Variants in SKAP1 observed in about 807,000 individuals in gnomAD.
SKAP1 encodes src kinase-associated phosphoprotein 1.
In SKAP1, 44 loss-of-function variants were observed where a neutral mutation model predicts 58.5. The observed-to-expected ratio is 0.75, with a 90% CI of 0.59 to 0.97. The LOEUF (loss-of-function observed/expected upper bound fraction) is 0.97, where lower values mean the gene tolerates loss of function less well. SKAP1 is among the 50% of genes least tolerant of loss of function. The pLI, the probability that SKAP1 is intolerant of heterozygous loss-of-function variation, is 0.00. For missense variants in SKAP1, 390 were observed against 435.2 expected (o/e 0.90, Z 0.92); for synonymous variants, 127 against 149.7 (o/e 0.85, Z 1.11).
intron 4 of SKAP1, among the ~76,000 whole-genome samples, chr17:48,345,146 C>G (rs2066705967): frequency 6.6e-6 from 1 of 152,194 alleles, no homozygotes; most frequent in African/African-American, 2.4e-5. Flanking sequence ...ACAGAAGAGG[C>G]ACAGCGGATC....
At chr17:48,354,269 A>G (rs1224809965) in intron 3 of SKAP1, among the ~76,000 whole-genome samples, 1 of 152,238 alleles carries the variant, frequency 6.6e-6, no homozygotes, top group Non-Finnish European at 1.5e-5. Flanking sequence ...GACAACATGT[A>G]TGTAACATCA....
chr17:48,328,092 T>C (rs1260726685), intron 4 of SKAP1, among the ~76,000 whole-genome samples: 1 of 152,182 alleles, frequency 6.6e-6, no homozygotes, highest in East Asian at 1.9e-4. Flanking sequence ...CTGGCTTTCA[T>C]CTGGGTTCCA....
chr17:48,375,794 CTTTGTTTG>C (rs1054688330), intron 2 of SKAP1, among the ~76,000 whole-genome samples: 1 of 143,546 alleles, frequency 7.0e-6, no homozygotes, highest in Non-Finnish European at 1.5e-5. Context: ...AGGTCTGTTT[CTTTGTTTG>C]TTTGTTTGTC....
chr17:48,219,333 G>C (rs1376068132), intron 4 of SKAP1, among the ~76,000 whole-genome samples: 1 of 152,138 alleles, frequency 6.6e-6, no homozygotes, highest in African/African-American at 2.4e-5. Context: ...TGAACTTCTT[G>C]CTGACAAAAG....
intron 4 of SKAP1, among the ~76,000 whole-genome samples, chr17:48,196,960 C>T (rs2064640720): frequency 6.6e-6 from 1 of 152,162 alleles, no homozygotes; most frequent in African/African-American, 2.4e-5. Flanking sequence ...CAGAAGCTCT[C>T]AAAAAATGCT....
intron 4 of SKAP1, among the ~76,000 whole-genome samples, chr17:48,291,316 G>GA (rs1049666260): frequency 2.0e-5 from 3 of 151,046 alleles, no homozygotes; most frequent in East Asian, 1.9e-4. Context: ...ACTGGTGCTG[G>GA]AAAAAAAAAT....
At chr17:48,434,597 A>C (rs781471109), upstream of SKAP1, among the ~76,000 whole-genome samples, 8 of 152,184 alleles carry the variant, frequency 5.3e-5, no homozygotes, top group Non-Finnish European at 1.2e-4. Context: ...TTCCATAAGC[A>C]GGTTCTCAGT....
intron 10 of SKAP1, among the ~76,000 whole-genome samples, chr17:48,163,712 G>T (rs2064100658): frequency 6.6e-6 from 1 of 152,104 alleles, no homozygotes; most frequent in Non-Finnish European, 1.5e-5. Flanking sequence ...AGTATTGGTG[G>T]CTGAGGATAG....
chr17:48,137,093 T>C (rs2063710337), intron 12 of SKAP1, 136 bp downstream of exon 12: 1 of 569,624 alleles, frequency 1.8e-6, no homozygotes, highest in Non-Finnish European at 3.2e-6. Context: ...TTTCCATCAG[T>C]GGTGAATCAC....
the SKAP1 span, among the ~76,000 whole-genome samples, chr17:48,442,522 T>A: frequency 6.6e-6 from 1 of 152,168 alleles, no homozygotes; most frequent in Non-Finnish European, 1.5e-5. Context: ...TTTTTGGATG[T>A]GAAATGTGCA....
chr17:48,442,564 C>T, the SKAP1 span, among the ~76,000 whole-genome samples: 1 of 152,094 alleles, frequency 6.6e-6, no homozygotes, highest in Non-Finnish European at 1.5e-5. Flanking sequence ...CCACTTGTCC[C>T]CTTCTTGGCC....
chr17:48,200,984 A>C (rs2064720492), intron 4 of SKAP1, among the ~76,000 whole-genome samples: 1 of 152,204 alleles, frequency 6.6e-6, no homozygotes, highest in African/African-American at 2.4e-5. Flanking sequence ...GCAATATGGA[A>C]GTGAATATTT....
At chr17:48,439,473 T>C in the SKAP1 span, among the ~76,000 whole-genome samples, 1 of 152,236 alleles carries the variant, frequency 6.6e-6, no homozygotes, top group Non-Finnish European at 1.5e-5. Context: ...GAAATAATTG[T>C]CTTGAGACGA....
chr17:48,360,264 GA>G (rs751826029), intron 3 of SKAP1, among the ~76,000 whole-genome samples: 78 of 152,074 alleles, frequency 5.1e-4, no homozygotes, highest in Non-Finnish European at 9.1e-4. Context: ...TATTCATGAA[GA>G]TTTTTTTATA....
intron 4 of SKAP1, among the ~76,000 whole-genome samples, chr17:48,212,655 T>C (rs149732954): frequency 6.6e-6 from 1 of 152,362 alleles, no homozygotes; most frequent in East Asian, 1.9e-4. Flanking sequence ...TGGTATAAAA[T>C]ACAAATAATC....
intron 4 of SKAP1, among the ~76,000 whole-genome samples, chr17:48,239,844 G>GAGAC (rs1555607097): frequency 9.2e-6 from 1 of 109,168 alleles, no homozygotes; most frequent in Admixed American, 1.2e-4. Flanking sequence ...GAGAGAGAGA[G>GAGAC]AGAGACAGAG....
chr17:48,278,979 T>C (rs897292629), intron 4 of SKAP1, among the ~76,000 whole-genome samples: 2 of 152,176 alleles, frequency 1.3e-5, no homozygotes, highest in African/African-American at 4.8e-5. Context: ...TCCATGTTGT[T>C]AACTCCCAGG....
chr17:48,340,599 T>C (rs975088799), intron 4 of SKAP1, among the ~76,000 whole-genome samples: 24 of 152,234 alleles, frequency 1.6e-4, no homozygotes, highest in East Asian at 7.7e-4. Flanking sequence ...CAAAATAATA[T>C]ACACTGTGCT....
chr17:48,423,972 G>A (rs1408497599), intron 1 of SKAP1, among the ~76,000 whole-genome samples: 1 of 152,082 alleles, frequency 6.6e-6, no homozygotes, highest in Non-Finnish European at 1.5e-5. Context: ...AATAAAAATA[G>A]GGTATATAAC....
Sources: allele counts gnomAD v4.1 joint callset (sites outside exome capture counted in the v4.1 genomes callset), GRCh38; gene constraint gnomAD v4.1.1; transcripts MANE v1.5; gene names NCBI Gene and HGNC (gene_info 2026-07-23, HGNC 2026-07-21).